Variants in LTBP1 observed in about 807,000 individuals in gnomAD.
LTBP1 encodes latent-transforming growth factor beta-binding protein 1.
Under a neutral mutation model 207.6 loss-of-function variants are expected in LTBP1, and 129 were observed. The observed-to-expected ratio is 0.62, with a 90% confidence interval of 0.54 to 0.72. LTBP1 has a LOEUF of 0.72. LTBP1 is among the 30% of genes least tolerant of loss of function. The probability of loss-of-function intolerance (pLI) is 0.00; values close to 1 mark genes in which losing one functional copy is unlikely to be tolerated. For synonymous variants in LTBP1, 963 were observed against 833.7 expected, an observed-to-expected ratio of 1.16 and a Z score of -2.67; for missense variants, 2,281 against 2,217.2, an observed-to-expected ratio of 1.03 and a Z score of -0.58.
chr2:33,211,110 CA>C lies in LTBP1; in HGVS notation c.1702-6440del, dbSNP rs565408346. Among the ~76,000 whole-genome samples, 57 of 152,156 alleles carry C rather than the reference CA, an allele frequency of 3.7e-4. No individual in the cohort carries two copies. The East Asian group carries it at 6.0e-3, about 16-fold the overall frequency. The stretch of plus-strand genomic sequence containing the variant: ...ATGAGTTATATACATGTAATGAAGA[CA>C]ATTAATAAGAGTATTTCAGTTTATC... On this transcript the variant is annotated intron_variant, in intron 7 of 33. Transcript: ENST00000404816.
intron 5 of LTBP1, among the ~76,000 whole-genome samples, chr2:33,138,889 CG>C (rs754710173): frequency 0.014 from 1,541 of 111,834 alleles, 19 homozygotes; most frequent in Middle Eastern, 0.045. Flanking sequence ...GACGGAGTCT[CG>C]CTCTGTCGCC....
In LTBP1 at chr2:33,026,143, G is replaced by A. The variant is rs114746347; in HGVS notation, c.863+4937G>A. 2.9e-3 allele frequency among the ~76,000 whole-genome samples: 441 copies of A among 152,208 alleles called. 1 individual carries two copies. Among genetic ancestry groups the A allele is most frequent in the African/African-American group, 0.01 (431 of 41,522 alleles). ...TGTTGCAGTACTGATAGTTATTACT[G>A]GGACCTTGTCTGAACTTATTAAAGG... On this transcript the variant is annotated intron_variant, in intron 3 of 33. Transcript: ENST00000404816.
At chr2:32,962,010 T>C (rs1201617519) in intron 2 of LTBP1, among the ~76,000 whole-genome samples, 1 of 151,978 alleles carries the variant, frequency 6.6e-6, no homozygotes, top group Admixed American at 6.6e-5. Context: ...GGTGACCTTA[T>C]TAATAAGGTT....
intron 26 of LTBP1, among the ~76,000 whole-genome samples, chr2:33,354,878 T>A (rs2094837309): frequency 6.6e-6 from 1 of 152,152 alleles, no homozygotes; most frequent in African/African-American, 2.4e-5. Context: ...GTAGCTAGGA[T>A]TACAGGCCCA....
At chr2:33,225,791 T>A (rs74826375) in intron 9 of LTBP1, among the ~76,000 whole-genome samples, 3,977 of 152,230 alleles carry the variant, frequency 0.026, 189 homozygotes, top group African/African-American at 0.091. Context: ...TTCAGTGAGA[T>A]CAACTTTTTT....
intron 5 of LTBP1, among the ~76,000 whole-genome samples, chr2:33,144,943 C>T (rs995274239): frequency 3.9e-5 from 6 of 152,142 alleles, no homozygotes; most frequent in Admixed American, 3.3e-4. Context: ...GCCACATAGT[C>T]ATCTTCATGC....
At chr2:33,092,464 C>T (rs1297100300) in intron 3 of LTBP1, among the ~76,000 whole-genome samples, 3 of 152,216 alleles carry the variant, frequency 2.0e-5, no homozygotes, top group Non-Finnish European at 4.4e-5. Flanking sequence ...TTTAGAATTA[C>T]AATATAGACT....
chr2:33,286,276 A>G (rs140355864), intron 19 of LTBP1, among the ~76,000 whole-genome samples: 228 of 152,370 alleles, frequency 1.5e-3, no homozygotes, highest in African/African-American at 5.1e-3. Flanking sequence ...AGTATCATTC[A>G]GTCTACTTGA....
At chr2:33,203,292 A>G (rs1239169281) in intron 7 of LTBP1, among the ~76,000 whole-genome samples, 1 of 152,218 alleles carries the variant, frequency 6.6e-6, no homozygotes, top group East Asian at 1.9e-4. Flanking sequence ...AGACAGGGGT[A>G]AGATCCAAAG....
intron 24 of LTBP1, among the ~76,000 whole-genome samples, chr2:33,323,203 C>A (rs2094381102): frequency 2.0e-5 from 3 of 152,032 alleles, no homozygotes; most frequent in African/African-American, 7.2e-5. Flanking sequence ...GCAAAACCAT[C>A]TAGTACAAAA....
intron 3 of LTBP1, among the ~76,000 whole-genome samples, chr2:33,106,459 G>C (rs1246213250): frequency 6.6e-6 from 1 of 152,200 alleles, no homozygotes; most frequent in Non-Finnish European, 1.5e-5. Context: ...AGGAAGACTT[G>C]AAAGTCAAAA....
At chr2:33,119,569 A>G (rs2080978741) in intron 4 of LTBP1, among the ~76,000 whole-genome samples, 1 of 151,778 alleles carries the variant, frequency 6.6e-6, no homozygotes. Context: ...TCTTTCTTTT[A>G]TTTTTGAGAT....
Position 33,363,402 on chromosome 2 carries a change from G to C in LTBP1, c.4283G>C (p.Cys1428Ser). ...GGENYKDADE[C>S]LLFGQEICKN... ...TTTTTCCCCGTAGATGCAGATGAAT[G>C]CCTACTTTTTGGACAAGAAATCTGC... Residue 1428 changes from cysteine (C) to serine (S), a missense_variant, in exon 29 of 34, where the codon TGC becomes TCC. Around this residue, in one of 3 missense-constraint regions of LTBP1, gnomAD observed 1,671 missense variants for 1,634.8 expected, o/e 1.02. Transcript: ENST00000404816. 6.2e-7 allele frequency: 1 copy of C among 1,613,648 alleles called. No individual in the cohort carries two copies. The highest frequency in any genetic ancestry group is 1.1e-5 in the South Asian group (1 of 91,058).
chr2:33,308,011 C>G (rs772213237), intron 22 of LTBP1, among the ~76,000 whole-genome samples: 1 of 152,182 alleles, frequency 6.6e-6, no homozygotes, highest in Admixed American at 6.5e-5. Context: ...TTCACTTCTT[C>G]CTGGAATCTC....
intron 7 of LTBP1, among the ~76,000 whole-genome samples, chr2:33,206,346 C>T (rs1318726036): frequency 1.3e-5 from 2 of 152,160 alleles, no homozygotes; most frequent in Non-Finnish European, 2.9e-5. Context: ...ATTACAATTT[C>T]ACATAGTGCT....
chr2:33,114,499 C>T (rs1451431046), intron 4 of LTBP1, among the ~76,000 whole-genome samples: 2 of 152,098 alleles, frequency 1.3e-5, no homozygotes, highest in East Asian at 1.9e-4. Context: ...GTGCCTGGAA[C>T]GTGACAAAAG....
chr2:32,948,785 AGGCT>A, intron 1 of LTBP1, 86 bp from the exon 2 acceptor site: 1 of 1,209,244 alleles, frequency 8.3e-7, no homozygotes, highest in Non-Finnish European at 1.2e-6. Flanking sequence ...CAGAAGCTGG[AGGCT>A]GGCCTTTCTG....
chr2:33,240,754 C>T (rs951680250), intron 9 of LTBP1, among the ~76,000 whole-genome samples: 1 of 151,436 alleles, frequency 6.6e-6, no homozygotes, highest in South Asian at 2.1e-4. Flanking sequence ...AGGTTCACGC[C>T]ATTCTCCTGC....
chr2:33,172,861 T>C (rs547399565), intron 5 of LTBP1, among the ~76,000 whole-genome samples: 1,555 of 152,118 alleles, frequency 0.01, 7 homozygotes, highest in Non-Finnish European at 0.014. Flanking sequence ...CACTCAAAAC[T>C]GCTCAACTAC....
Sources: allele counts gnomAD v4.1 joint callset (sites outside exome capture counted in the v4.1 genomes callset), GRCh38; gene constraint gnomAD v4.1.1; regional missense constraint gnomAD v4.1.1; transcripts MANE v1.5; gene names NCBI Gene and HGNC (gene_info 2026-07-23, HGNC 2026-07-21).